The following GALNT13 variants were observed in gnomAD, a reference collection of about 807,000 sequenced individuals.
GALNT13 encodes the protein UDP-GalNAc:polypeptide N-acetylgalactosaminyltransferase 13.
GALNT13 carries 28 observed loss-of-function variants against 64.2 expected under a neutral mutation model. That is an observed-to-expected ratio of 0.44 (90% confidence interval 0.32 to 0.60). The LOEUF is 0.60. Ranked by LOEUF, GALNT13 falls within the 20% of genes least tolerant of loss-of-function variation. The pLI is 0.05. For synonymous variants in GALNT13, 214 were observed against 224.6 expected, an observed-to-expected ratio of 0.95 and a Z score of 0.42; for missense variants, 577 against 669.8, an observed-to-expected ratio of 0.86 and a Z score of 1.53.
At chr2:154,346,870 C>A (rs1696096733) in intron 9 of GALNT13, among the ~76,000 whole-genome samples, 1 of 152,096 alleles carries the variant, frequency 6.6e-6, no homozygotes, top group African/African-American at 2.4e-5. Flanking sequence ...ATGCAAATTA[C>A]ATCTTCTAGA....
chr2:154,018,091 T>C (rs1697128602), intron 3 of GALNT13, among the ~76,000 whole-genome samples: 1 of 152,200 alleles, frequency 6.6e-6, no homozygotes. Flanking sequence ...TTCCTAGCTC[T>C]TTTTATATTT....
the GALNT13 span, among the ~76,000 whole-genome samples, chr2:153,454,049 T>C: frequency 6.6e-6 from 1 of 152,134 alleles, no homozygotes; most frequent in African/African-American, 2.4e-5. Context: ...TTCTCACTTA[T>C]AAGCAGGAGC....
the GALNT13 span, among the ~76,000 whole-genome samples, chr2:153,571,523 TC>T: frequency 6.6e-6 from 1 of 152,052 alleles, no homozygotes; most frequent in Admixed American, 6.6e-5. Context: ...CTTGTCATGT[TC>T]CAGATATTAG....
chr2:154,408,586 A>G (rs1257386577), intron 10 of GALNT13, among the ~76,000 whole-genome samples: 3 of 152,100 alleles, frequency 2.0e-5, no homozygotes, highest in Non-Finnish European at 4.4e-5. Context: ...ATTTCCTTCC[A>G]TGCAATAGTA....
At chr2:153,071,831 A>T in the GALNT13 span, among the ~76,000 whole-genome samples, 1 of 152,116 alleles carries the variant, frequency 6.6e-6, no homozygotes, top group Admixed American at 6.6e-5. Context: ...TGGTTTTTAT[A>T]TTTTTTATGG....
chr2:154,126,372 A>C (rs534992241), intron 3 of GALNT13, among the ~76,000 whole-genome samples: 39 of 152,270 alleles, frequency 2.6e-4, no homozygotes, highest in African/African-American at 9.1e-4. Context: ...GCGGTTGCTC[A>C]CGCCTGTAAT....
chr2:153,594,131 G>A, the GALNT13 span, among the ~76,000 whole-genome samples: 1 of 151,994 alleles, frequency 6.6e-6, no homozygotes. Flanking sequence ...AAATCTAAAA[G>A]TCAAATGAAT....
chr2:153,533,318 C>T, the GALNT13 span, among the ~76,000 whole-genome samples: 5 of 151,912 alleles, frequency 3.3e-5, no homozygotes, highest in Admixed American at 3.3e-4. Context: ...GTGGCTTGAT[C>T]TCGGCTCACT....
the GALNT13 span, among the ~76,000 whole-genome samples, chr2:153,498,880 G>T: frequency 6.6e-6 from 1 of 151,254 alleles, no homozygotes; most frequent in African/African-American, 2.4e-5. Context: ...ACGGAGTCTC[G>T]CTCTGTCACC....
Position 154,074,413 on chromosome 2 carries a change from G to A in GALNT13, c.143-65924G>A, listed in dbSNP as rs146559727. On this transcript the variant is annotated intron_variant, in intron 3 of 12. Coordinates refer to ENST00000392825, the MANE Select transcript of GALNT13 (RefSeq NM_052917.4). ...GGTAACATTTATTGAGGACAATTAG[G>A]TTTTTACATACATAATTTTGTTTTC... Among the ~76,000 whole-genome samples the A allele has an allele frequency of 2.3e-3, 349 of 151,956 alleles. 3 individuals carry two copies. Among genetic ancestry groups the A allele is most frequent in the African/African-American group, 7.4e-3 (309 of 41,512 alleles).
At chr2:154,151,891 CA>C (rs1184496444) in intron 4 of GALNT13, among the ~76,000 whole-genome samples, 1 of 152,090 alleles carries the variant, frequency 6.6e-6, no homozygotes, top group Non-Finnish European at 1.5e-5. Context: ...TCCAATTTGC[CA>C]GTCTGTGTCT....
the GALNT13 span, among the ~76,000 whole-genome samples, chr2:153,397,562 T>A: frequency 6.6e-6 from 1 of 151,918 alleles, no homozygotes; most frequent in African/African-American, 2.4e-5. Context: ...TTTAACTAGA[T>A]GTTACCAGTC....
At chr2:153,164,999 T>C in the GALNT13 span, among the ~76,000 whole-genome samples, 1 of 152,236 alleles carries the variant, frequency 6.6e-6, no homozygotes, top group African/African-American at 2.4e-5. Context: ...ATAAAAGGTA[T>C]ATCCCACTGT....
chr2:153,924,612 T>A (rs58258096), intron 2 of GALNT13, among the ~76,000 whole-genome samples: 28,061 of 152,156 alleles, frequency 0.18, 4,765 homozygotes, highest in East Asian at 0.74. Context: ...CATTTCTGCC[T>A]CTAGGTCTTT....
intron 1 of GALNT13, among the ~76,000 whole-genome samples, chr2:153,884,122 A>G (rs576771527): frequency 6.6e-6 from 1 of 152,220 alleles, no homozygotes; most frequent in African/African-American, 2.4e-5. Context: ...AATAGCACTG[A>G]TATAGTCCTT....
At chr2:153,916,886 G>C (rs1388582267) in intron 2 of GALNT13, among the ~76,000 whole-genome samples, 2 of 152,088 alleles carry the variant, frequency 1.3e-5, no homozygotes, top group Non-Finnish European at 1.5e-5. Context: ...TCTATACTTT[G>C]AATTAAACTG....
intron 4 of GALNT13, among the ~76,000 whole-genome samples, chr2:154,223,606 C>T (rs1237968348): frequency 6.6e-6 from 1 of 151,824 alleles, no homozygotes; most frequent in South Asian, 2.1e-4. Context: ...TATGTGCCAC[C>T]ATGTCTGGCT....
At chr2:153,465,123 C>T in the GALNT13 span, among the ~76,000 whole-genome samples, 37 of 152,112 alleles carry the variant, frequency 2.4e-4, no homozygotes, top group African/African-American at 8.2e-4. Flanking sequence ...TTCATGTCTC[C>T]ACATGTCTGT....
chr2:153,612,811 A>G, the GALNT13 span, among the ~76,000 whole-genome samples: 1 of 152,192 alleles, frequency 6.6e-6, no homozygotes, highest in Non-Finnish European at 1.5e-5. Context: ...CAATATGACA[A>G]TATGATGACA....
Sources: gnomAD v4.1 joint callset for allele counts (sites outside exome capture counted in the v4.1 genomes callset) on GRCh38, gnomAD v4.1.1 for gene constraint, MANE v1.5 for transcripts, NCBI Gene and HGNC (gene_info 2026-07-23, HGNC 2026-07-21) for gene names.